Variants in SNTG1 observed in about 807,000 individuals in gnomAD.
The protein encoded by SNTG1 is syntrophin gamma 1, also known as gamma-1-syntrophin.
In SNTG1, 39 loss-of-function variants were observed where a neutral mutation model predicts 74.7. The observed-to-expected ratio is 0.52, with a 90% CI of 0.40 to 0.68. The LOEUF (loss-of-function observed/expected upper bound fraction) is 0.68, where lower values mean the gene tolerates loss of function less well. Ranked by LOEUF, SNTG1 falls within the 30% of genes least tolerant of loss-of-function variation. The pLI is 0.00. For synonymous variants in SNTG1, 254 were observed against 217.1 expected, an observed-to-expected ratio of 1.17 and a Z score of -1.49; for missense variants, 685 against 609.5, an observed-to-expected ratio of 1.12 and a Z score of -1.30.
In SNTG1 at chr8:50,376,750, TATATATAGAGAG is replaced by T. The variant is rs57682517; in HGVS notation, c.-27-17460_-27-17449del. On this transcript the variant is annotated intron_variant, in intron 2 of 18. Transcript: ENST00000642720. ...TAAATTATATATATATATATATATA[TATATATAGAGAG>T]AGAGAGAGAGAGAGAGAGAGAGAAT... Among the ~76,000 whole-genome samples, 259 of 102,752 alleles carry T rather than the reference TATATATAGAGAG, an allele frequency of 2.5e-3. 1 individual carries two copies. The highest frequency in any genetic ancestry group is 8.0e-3 in the African/African-American group (243 of 30,446). 67.4% of individuals were successfully genotyped at this position (102,752 alleles called of 152,430 possible).
At chr8:50,117,764 G>A (rs1377025286) in intron 1 of SNTG1, among the ~76,000 whole-genome samples, 1 of 152,066 alleles carries the variant, frequency 6.6e-6, no homozygotes, top group African/African-American at 2.4e-5. Context: ...GCATGTACTA[G>A]CAACTGAAAA....
chr8:50,723,863 C>CTG (rs1404446382), intron 17 of SNTG1, among the ~76,000 whole-genome samples: 1 of 151,806 alleles, frequency 6.6e-6, no homozygotes, highest in African/African-American at 2.4e-5. Context: ...GAAAAGACTC[C>CTG]CTAAGGCAGT....
intron 1 of SNTG1, among the ~76,000 whole-genome samples, chr8:49,926,317 A>T (rs1345235366): frequency 1.3e-5 from 2 of 152,108 alleles, no homozygotes; most frequent in African/African-American, 4.8e-5. Flanking sequence ...CACAATTTGT[A>T]CAAGTATAAT....
intron 1 of SNTG1, among the ~76,000 whole-genome samples, chr8:50,054,974 A>G (rs1229716831): frequency 6.6e-6 from 1 of 152,142 alleles, no homozygotes; most frequent in Non-Finnish European, 1.5e-5. Flanking sequence ...GGCATAAGCC[A>G]GTGAACTAGG....
At chr8:50,432,304 T>C (rs1233689339) in intron 4 of SNTG1, among the ~76,000 whole-genome samples, 1 of 152,148 alleles carries the variant, frequency 6.6e-6, no homozygotes, top group Non-Finnish European at 1.5e-5. Flanking sequence ...TTTATTCTTT[T>C]GTCAAATATT....
intron 2 of SNTG1, among the ~76,000 whole-genome samples, chr8:50,355,372 GA>G (rs765651511): frequency 1.3e-5 from 2 of 152,150 alleles, no homozygotes; most frequent in East Asian, 3.9e-4. Context: ...GTTATTTACT[GA>G]AAAATAGAAA....
intron 2 of SNTG1, among the ~76,000 whole-genome samples, chr8:50,224,757 C>T (rs1048486864): frequency 6.6e-6 from 1 of 152,066 alleles, no homozygotes; most frequent in African/African-American, 2.4e-5. Context: ...AACATTGAAA[C>T]AGAGACCTTA....
intron 1 of SNTG1, among the ~76,000 whole-genome samples, chr8:49,925,015 T>C (rs558547115): frequency 1.3e-5 from 2 of 151,664 alleles, no homozygotes; most frequent in African/African-American, 4.8e-5. Flanking sequence ...TATCCGGATG[T>C]GGTGGTGTGT....
At chr8:49,961,784 A>C (rs1302413146) in intron 1 of SNTG1, among the ~76,000 whole-genome samples, 8 of 152,160 alleles carry the variant, frequency 5.3e-5, no homozygotes, top group Admixed American at 2.6e-4. Flanking sequence ...TTACCTCGTA[A>C]ATTTGGAACT....
At chr8:50,322,087 A>G (rs963302469) in intron 2 of SNTG1, among the ~76,000 whole-genome samples, 18 of 148,916 alleles carry the variant, frequency 1.2e-4, no homozygotes, top group African/African-American at 4.4e-4. Flanking sequence ...TTTTTTTCAG[A>G]TTGGAGAATT....
rs188801786 is a variant in SNTG1, at chr8:50,781,248, C to A, written c.1396-11423C>A. On this transcript the variant is annotated intron_variant, in intron 18 of 18. Transcript: ENST00000642720. ...CTTGGTGCAGAGCTGAGTTCAATTC[C>A]TGGGTATCCTTGTTAACTTTCTGTC... Among the ~76,000 whole-genome samples, 42 of 152,238 alleles carry A rather than the reference C, an allele frequency of 2.8e-4. No individual in the cohort carries two copies. The East Asian group carries it at 6.8e-3, about 25-fold the overall frequency.
intron 1 of SNTG1, among the ~76,000 whole-genome samples, chr8:50,132,029 C>T (rs891928335): frequency 7.9e-5 from 12 of 152,040 alleles, no homozygotes; most frequent in African/African-American, 2.2e-4. Flanking sequence ...TTCATTCCAT[C>T]AGTCTATTTT....
rs182217929 is a variant in SNTG1, at chr8:50,407,788, G to A, written c.162+5444G>A. Among the ~76,000 whole-genome samples, 68 of 152,316 alleles carry A rather than the reference G, an allele frequency of 4.5e-4. No homozygotes were observed. The East Asian group carries it at 0.011, about 25-fold the overall frequency. On this transcript the variant is annotated intron_variant, in intron 4 of 18. Transcript: ENST00000642720. ...AAATCTCTCTGCCTGGAAATTTGAA[G>A]ACTAGCGTTTTAAGGATAGTTTGGT...
chr8:50,077,994 A>T (rs1037077929), intron 1 of SNTG1, among the ~76,000 whole-genome samples: 1 of 152,138 alleles, frequency 6.6e-6, no homozygotes, highest in Non-Finnish European at 1.5e-5. Context: ...TTGTAATTAC[A>T]TCTATATGTA....
chr8:50,656,792 T>G, intron 13 of SNTG1, 117 bp from the exon 14 acceptor site: 1 of 690,788 alleles, frequency 1.4e-6, no homozygotes, highest in East Asian at 3.1e-5. Flanking sequence ...ATGTGAGTTT[T>G]TAATACTACA....
chr8:50,208,932 G>A (rs1034823867), intron 2 of SNTG1, among the ~76,000 whole-genome samples: 1 of 152,204 alleles, frequency 6.6e-6, no homozygotes, highest in Non-Finnish European at 1.5e-5. Context: ...GCAGGGCAGG[G>A]CATCGCCTCA....
At chr8:50,674,318 G>T (rs1376415258) in intron 15 of SNTG1, among the ~76,000 whole-genome samples, 9 of 151,892 alleles carry the variant, frequency 5.9e-5, no homozygotes, top group African/African-American at 2.2e-4. Context: ...GCTTTTTTTG[G>T]TTGGTAGGCT....
At chr8:50,243,476 C>T (rs1377647704) in intron 2 of SNTG1, among the ~76,000 whole-genome samples, 1 of 152,150 alleles carries the variant, frequency 6.6e-6, no homozygotes, top group Non-Finnish European at 1.5e-5. Context: ...GAAATAAAAA[C>T]TCTCCGGATT....
chr8:50,023,442 G>A (rs1292228356), intron 1 of SNTG1, among the ~76,000 whole-genome samples: 1 of 152,060 alleles, frequency 6.6e-6, no homozygotes. Flanking sequence ...ACTTAAAATG[G>A]CATTATTTTA....
Sources: gnomAD v4.1 joint callset for allele counts (sites outside exome capture counted in the v4.1 genomes callset) on GRCh38, gnomAD v4.1.1 for gene constraint, MANE v1.5 for transcripts, NCBI Gene and HGNC (gene_info 2026-07-23, HGNC 2026-07-21) for gene names.